Variants in CDH23 observed in about 807,000 individuals in gnomAD.
The protein encoded by CDH23 is cadherin-23.
CDH23 carries 189 observed loss-of-function variants against 317.1 expected under a neutral mutation model. The observed-to-expected ratio is 0.60, with a 90% CI of 0.53 to 0.67. The LOEUF is 0.67. Ranked by LOEUF, CDH23 falls within the 30% of genes least tolerant of loss-of-function variation. The probability of loss-of-function intolerance (pLI) is 0.00; values close to 1 mark genes in which losing one functional copy is unlikely to be tolerated. For synonymous variants in CDH23, 1,839 were observed against 1,876.8 expected, an observed-to-expected ratio of 0.98 and a Z score of 0.52; for missense variants, 4,401 against 4,592.4, an observed-to-expected ratio of 0.96 and a Z score of 1.20.
chr10:71,523,458 A>T (rs1854818253), intron 6 of CDH23, among the ~76,000 whole-genome samples: 2 of 152,344 alleles, frequency 1.3e-5, no homozygotes, highest in Non-Finnish European at 2.9e-5. Context: ...CAAAAGATGG[A>T]GATGGAGGGA....
chr10:71,776,293 C>A (rs1471913238), intron 38 of CDH23, among the ~76,000 whole-genome samples: 2 of 152,146 alleles, frequency 1.3e-5, no homozygotes, highest in African/African-American at 4.8e-5. Flanking sequence ...GGGTCCAGAT[C>A]CCCTGCCCAT....
intron 38 of CDH23, among the ~76,000 whole-genome samples, chr10:71,769,229 T>TCTTTCTCTCAC (rs57151070): frequency 0.99 from 151,126 of 152,344 alleles, 75,012 homozygotes; most frequent in Middle Eastern, 1. Context: ...CTCTAAAACA[T>TCTTTCTCTCAC]TTGCTAATCT....
intron 3 of CDH23, among the ~76,000 whole-genome samples, chr10:71,496,335 ATTTTT>A (rs59975648): frequency 1.3e-5 from 2 of 149,144 alleles, no homozygotes; most frequent in Non-Finnish European, 3.0e-5. Context: ...AAAGCAAAAC[ATTTTT>A]TTTTTTTTTG....
intron 1 of CDH23, among the ~76,000 whole-genome samples, chr10:71,417,874 G>A (rs923315368): frequency 8.5e-5 from 13 of 152,228 alleles, no homozygotes; most frequent in Non-Finnish European, 4.4e-5. Flanking sequence ...CCTTAAAAAT[G>A]CTGGAATTAC....
chr10:71,590,988 C>G (rs2132445273), intron 9 of CDH23, among the ~76,000 whole-genome samples: 1 of 151,942 alleles, frequency 6.6e-6, no homozygotes, highest in African/African-American at 2.4e-5. Context: ...GTGCCAGCTT[C>G]CACATGGGTG....
At chr10:71,734,375 C>T (rs751506075) in intron 33 of CDH23, 34 bp downstream of exon 33, 35 of 1,567,854 alleles carry the variant, frequency 2.2e-5, no homozygotes, top group Non-Finnish European at 3.0e-5. Context: ...CCCTCAGGTG[C>T]GGCCCATCGC....
intron 11 of CDH23, among the ~76,000 whole-genome samples, chr10:71,636,789 T>C (rs1862297104): frequency 6.6e-6 from 1 of 152,138 alleles, no homozygotes; most frequent in African/African-American, 2.4e-5. Context: ...CAAGAGGTGC[T>C]CCACTCCCAC....
intron 11 of CDH23, among the ~76,000 whole-genome samples, chr10:71,626,620 C>T (rs1861748666): frequency 6.6e-6 from 1 of 152,198 alleles, no homozygotes; most frequent in Non-Finnish European, 1.5e-5. Context: ...AGGGCATGGA[C>T]CTCTGTTTTT....
chr10:71,759,924 C>T (rs1840274978), intron 38 of CDH23, among the ~76,000 whole-genome samples: 1 of 88,064 alleles, frequency 1.1e-5, no homozygotes, highest in Non-Finnish European at 2.7e-5. Flanking sequence ...CATATATACA[C>T]ACACACATAT....
At chr10:71,585,873 G>A (rs987999592) in intron 9 of CDH23, among the ~76,000 whole-genome samples, 1 of 152,168 alleles carries the variant, frequency 6.6e-6, no homozygotes, top group East Asian at 1.9e-4. Flanking sequence ...ACAGTGGCTT[G>A]CCCCTTGCTT....
chr10:71,674,173 C>T (rs1373215846), intron 14 of CDH23, among the ~76,000 whole-genome samples: 2 of 152,116 alleles, frequency 1.3e-5, no homozygotes, highest in Non-Finnish European at 2.9e-5. Flanking sequence ...TTTTTCATTT[C>T]ATTCATTTGG....
At chr10:71,491,753 G>T (rs1852672843) in intron 3 of CDH23, among the ~76,000 whole-genome samples, 1 of 152,166 alleles carries the variant, frequency 6.6e-6, no homozygotes, top group Admixed American at 6.5e-5. Context: ...CAACAAAGGA[G>T]AGCAGGAGTT....
chr10:71,728,542 T>C (rs1866916738), intron 30 of CDH23, among the ~76,000 whole-genome samples: 1 of 152,236 alleles, frequency 6.6e-6, no homozygotes, highest in Admixed American at 6.5e-5. Flanking sequence ...AAAGCAGGGC[T>C]GATCCCAGAG....
intron 3 of CDH23, among the ~76,000 whole-genome samples, chr10:71,451,875 G>A (rs1850461944): frequency 6.6e-6 from 1 of 152,200 alleles, no homozygotes; most frequent in African/African-American, 2.4e-5. Flanking sequence ...ATCTTCCAAG[G>A]CAGGACCCGG....
At chr10:71,718,709 T>C (rs1866407696) in intron 28 of CDH23, among the ~76,000 whole-genome samples, 1 of 152,226 alleles carries the variant, frequency 6.6e-6, no homozygotes, top group Non-Finnish European at 1.5e-5. Context: ...CAAAGGAATC[T>C]GGAGACCCTA....
At chr10:71,409,798 G>A (rs934822106) in intron 1 of CDH23, among the ~76,000 whole-genome samples, 7 of 152,184 alleles carry the variant, frequency 4.6e-5, no homozygotes. Flanking sequence ...CCCATGGGCT[G>A]GGGCCTGCCT....
At chr10:71,718,886 G>A (rs1177944567) in intron 28 of CDH23, among the ~76,000 whole-genome samples, 1 of 151,620 alleles carries the variant, frequency 6.6e-6, no homozygotes, top group Non-Finnish European at 1.5e-5. Context: ...GGGCAACATA[G>A]TGAGTCTTCA....
At chr10:71,811,190 G>A in intron 62 of CDH23, 125 bp from the exon 63 acceptor site, 2 of 1,406,748 alleles carry the variant, frequency 1.4e-6, no homozygotes, top group Non-Finnish European at 9.9e-7. Context: ...GTCCCAGCCG[G>A]TGGACCTCAA....
chr10:71,524,256 G>A (rs1461950806), intron 6 of CDH23, among the ~76,000 whole-genome samples: 5 of 152,188 alleles, frequency 3.3e-5, no homozygotes, highest in African/African-American at 4.8e-5. Context: ...CCTGGCGCAC[G>A]GTGGGGACTC....
Sources: gnomAD v4.1 joint callset for allele counts (sites outside exome capture counted in the v4.1 genomes callset) on GRCh38, gnomAD v4.1.1 for gene constraint, MANE v1.5 for transcripts, NCBI Gene and HGNC (gene_info 2026-07-23, HGNC 2026-07-21) for gene names.